The following CNTNAP2 variants were observed in gnomAD, a reference collection of about 807,000 sequenced individuals.
CNTNAP2 encodes the protein contactin associated protein 2, also known as contactin-associated protein-like 2.
CNTNAP2 carries 98 observed loss-of-function variants against 155.2 expected under a neutral mutation model. That is an observed-to-expected ratio of 0.63 (90% CI 0.54 to 0.75). The LOEUF is 0.75. CNTNAP2 is among the 30% of genes least tolerant of loss of function. The pLI is 0.00. For missense variants in CNTNAP2, 1,727 were observed against 1,688.1 expected (o/e 1.02, Z -0.40); for synonymous variants, 651 against 631.2 (o/e 1.03, Z -0.47).
chr7:146,830,668 T>C (rs1803492415), intron 2 of CNTNAP2, among the ~76,000 whole-genome samples: 1 of 152,198 alleles, frequency 6.6e-6, no homozygotes, highest in African/African-American at 2.4e-5. Flanking sequence ...TAGCTTTGTT[T>C]ATTGTTGATG....
At chr7:148,081,653 C>A (rs1024525686) in intron 15 of CNTNAP2, among the ~76,000 whole-genome samples, 2 of 151,022 alleles carry the variant, frequency 1.3e-5, no homozygotes, top group Non-Finnish European at 3.0e-5. Flanking sequence ...ATATATATAT[C>A]TATTTTATTA....
intron 1 of CNTNAP2, among the ~76,000 whole-genome samples, chr7:146,255,584 CAG>C (rs1275966440): frequency 6.6e-6 from 1 of 151,994 alleles, no homozygotes; most frequent in Non-Finnish European, 1.5e-5. Flanking sequence ...GAAAAGCATG[CAG>C]AGAGTTAAGA....
chr7:147,024,325 C>CA lies in CNTNAP2; in HGVS notation c.403-19573dup, dbSNP rs376450566. Among the ~76,000 whole-genome samples, 711 of 150,480 alleles carry CA rather than the reference C, an allele frequency of 4.7e-3. 4 individuals carry two copies. Among genetic ancestry groups the CA allele is most frequent in the African/African-American group, 0.011 (438 of 41,076 alleles). ...TGCAACTGGTAAAACCTGTTTATAA[C>CA]AAAAAAAAAGTACATAAAAACTAGT... On this transcript the variant is annotated intron_variant, in intron 3 of 23. Transcript: ENST00000361727.
At chr7:146,509,612 C>T (rs985409681) in intron 1 of CNTNAP2, among the ~76,000 whole-genome samples, 3 of 152,132 alleles carry the variant, frequency 2.0e-5, no homozygotes, top group Non-Finnish European at 4.4e-5. Flanking sequence ...GAGGTTCTTC[C>T]TCCTCGGTGT....
intron 1 of CNTNAP2, among the ~76,000 whole-genome samples, chr7:146,522,560 A>G (rs1292118702): frequency 6.6e-6 from 1 of 151,972 alleles, no homozygotes; most frequent in Non-Finnish European, 1.5e-5. Flanking sequence ...CCTAAGAATG[A>G]AAAAATATAT....
rs551713288 is a variant in CNTNAP2, at chr7:147,197,305, T to C, written c.1348+64796T>C. On this transcript the variant is annotated intron_variant, in intron 8 of 23. Transcript: ENST00000361727. ...TTAAACCCCAGTAAATTCTGTAAAC[T>C]GGCCCTTGAGTCCCTATGCTCGGGC... 2.8e-3 allele frequency among the ~76,000 whole-genome samples: 419 copies of C among 152,206 alleles called. 2 individuals carry two copies. Among genetic ancestry groups the C allele is most frequent in the Non-Finnish European group, 4.4e-3 (300 of 68,012 alleles).
At chr7:147,918,620 G>T (rs1164011134) in intron 14 of CNTNAP2, among the ~76,000 whole-genome samples, 1 of 152,096 alleles carries the variant, frequency 6.6e-6, no homozygotes, top group Non-Finnish European at 1.5e-5. Context: ...GTTGTCTTAG[G>T]CTAATTTAAT....
At chr7:146,637,953 A>C (rs1280489475) in intron 1 of CNTNAP2, among the ~76,000 whole-genome samples, 1 of 152,214 alleles carries the variant, frequency 6.6e-6, no homozygotes, top group Non-Finnish European at 1.5e-5. Flanking sequence ...TAACATCCAT[A>C]TATATTGTCC....
chr7:148,058,129 C>T (rs1021796147), intron 15 of CNTNAP2, among the ~76,000 whole-genome samples: 2 of 151,990 alleles, frequency 1.3e-5, no homozygotes, highest in African/African-American at 2.4e-5. Flanking sequence ...AATATATACC[C>T]TCTAGAGTGT....
At chr7:147,399,380 C>T (rs535878113) in intron 10 of CNTNAP2, among the ~76,000 whole-genome samples, 38 of 152,186 alleles carry the variant, frequency 2.5e-4, no homozygotes, top group South Asian at 6.2e-4. Flanking sequence ...AGGTGAGAGA[C>T]GCGTGTACCC....
intron 3 of CNTNAP2, among the ~76,000 whole-genome samples, chr7:146,913,229 A>G (rs1796324890): frequency 6.6e-6 from 1 of 152,260 alleles, no homozygotes; most frequent in African/African-American, 2.4e-5. Flanking sequence ...GTAGTTGGCC[A>G]GGTTAGCTGA....
chr7:147,780,676 C>T (rs1172372977), intron 13 of CNTNAP2, among the ~76,000 whole-genome samples: 1 of 152,172 alleles, frequency 6.6e-6, no homozygotes, highest in Non-Finnish European at 1.5e-5. Flanking sequence ...TCTTACAGAA[C>T]ACCTGTCCAA....
intron 13 of CNTNAP2, among the ~76,000 whole-genome samples, chr7:147,644,021 T>G (rs1032531057): frequency 6.6e-6 from 1 of 152,206 alleles, no homozygotes; most frequent in Non-Finnish European, 1.5e-5. Flanking sequence ...CCAGTATTTA[T>G]GGTCATGTCC....
chr7:147,415,900 C>T (rs1797185908), intron 10 of CNTNAP2, among the ~76,000 whole-genome samples: 1 of 152,150 alleles, frequency 6.6e-6, no homozygotes, highest in Non-Finnish European at 1.5e-5. Context: ...GTGAGCCCTC[C>T]TGTGGCTTAT....
At chr7:147,046,240 C>T (rs887456481) in intron 4 of CNTNAP2, among the ~76,000 whole-genome samples, 1 of 152,136 alleles carries the variant, frequency 6.6e-6, no homozygotes, top group Admixed American at 6.5e-5. Flanking sequence ...CATGTCAACA[C>T]CCCGCAACCA....
Position 146,698,369 on chromosome 7 carries a change from A to G in CNTNAP2, c.98-75902A>G, listed in dbSNP as rs776412373. On this transcript the variant is annotated intron_variant, in intron 1 of 23. Transcript: ENST00000361727. ...TACCGAAAATATTACTTCAAGTTTC[A>G]TTTTTCTGAGAAAGTCATTATTTCC... Among the ~76,000 whole-genome samples, 4 of 151,868 alleles carry G rather than the reference A, an allele frequency of 2.6e-5. 1 individual carries two copies. Among genetic ancestry groups the G allele is most frequent in the African/African-American group, 4.8e-5 (2 of 41,368 alleles).
At chr7:148,195,151 T>C (rs1795256563) in intron 18 of CNTNAP2, among the ~76,000 whole-genome samples, 1 of 152,224 alleles carries the variant, frequency 6.6e-6, no homozygotes, top group Non-Finnish European at 1.5e-5. Context: ...CTTGTATTTG[T>C]ACCCTCTGTG....
At chr7:148,231,130 A>G (rs1795953087) in intron 20 of CNTNAP2, among the ~76,000 whole-genome samples, 1 of 152,238 alleles carries the variant, frequency 6.6e-6, no homozygotes, top group African/African-American at 2.4e-5. Flanking sequence ...TTCAGACAGT[A>G]TAACAGCAGA....
rs528580002 is a variant in CNTNAP2, at chr7:148,139,779, G to A, written c.2555-7712G>A. On this transcript the variant is annotated intron_variant, in intron 16 of 23. Transcript: ENST00000361727. ...TGGTCTCAAACTCCTGACCTCATAA[G>A]CCACCCGCCTCGGCCTCCCAAAGTG... Among the ~76,000 whole-genome samples the A allele has an allele frequency of 7.8e-4, 119 of 152,084 alleles. 4 individuals are homozygous for A. In the South Asian group the frequency reaches 0.024, roughly 31 times the overall value.
Sources: gnomAD v4.1 joint callset for allele counts (sites outside exome capture counted in the v4.1 genomes callset) on GRCh38, gnomAD v4.1.1 for gene constraint, MANE v1.5 for transcripts, NCBI Gene and HGNC (gene_info 2026-07-23, HGNC 2026-07-21) for gene names.